The following RAPGEF6 variants were observed in gnomAD, a reference collection of about 807,000 sequenced individuals.
RAPGEF6 encodes PDZ domain containing guanine nucleotide exchange factor (GEF) 2.
A neutral mutation model predicts 171.4 loss-of-function variants in RAPGEF6; 56 were observed. That is an observed-to-expected ratio of 0.33 (90% confidence interval 0.26 to 0.41). The LOEUF is 0.41. Ranked by LOEUF, RAPGEF6 falls within the 10% of genes least tolerant of loss-of-function variation. The pLI is 1.00. For missense variants in RAPGEF6, 1,674 were observed against 1,921.4 expected, an observed-to-expected ratio of 0.87 and a Z score of 2.41; for synonymous variants, 692 against 650.1, an observed-to-expected ratio of 1.06 and a Z score of -0.98.
intron 17 of RAPGEF6, among the ~76,000 whole-genome samples, chr5:131,469,247 G>T (rs1286293004): frequency 1.3e-5 from 2 of 152,080 alleles, no homozygotes; most frequent in Non-Finnish European, 2.9e-5. Context: ...TTTCTGGAAG[G>T]ATATACAAGT....
At chr5:131,449,379 T>G (rs1449326256) in intron 21 of RAPGEF6, among the ~76,000 whole-genome samples, 1 of 152,192 alleles carries the variant, frequency 6.6e-6, no homozygotes, top group Non-Finnish European at 1.5e-5. Flanking sequence ...TAAGTGGCAT[T>G]AGTGGGTCTG....
At chr5:131,555,278 T>C (rs1322595783) in intron 5 of RAPGEF6, among the ~76,000 whole-genome samples, 1 of 152,216 alleles carries the variant, frequency 6.6e-6, no homozygotes, top group Non-Finnish European at 1.5e-5. Context: ...CTACTCATTA[T>C]CATCAAAATC....
At chr5:131,550,672 G>A (rs1760865776) in intron 5 of RAPGEF6, among the ~76,000 whole-genome samples, 1 of 152,032 alleles carries the variant, frequency 6.6e-6, no homozygotes, top group Non-Finnish European at 1.5e-5. Context: ...TATCTCAAAG[G>A]CCATCTCTTC....
At chr5:131,432,912 T>C (rs1297654701) in intron 25 of RAPGEF6, among the ~76,000 whole-genome samples, 1 of 152,188 alleles carries the variant, frequency 6.6e-6, no homozygotes. Context: ...TAGAATAAAC[T>C]TTCTCAAAGA....
intron 1 of RAPGEF6, among the ~76,000 whole-genome samples, chr5:131,605,974 G>A (rs1031993563): frequency 7.1e-6 from 1 of 140,126 alleles, no homozygotes; most frequent in Non-Finnish European, 1.5e-5. Context: ...AGCTTGCAGT[G>A]AGCTGAGATT....
At chr5:131,575,249 C>G (rs550381886) in intron 4 of RAPGEF6, among the ~76,000 whole-genome samples, 1 of 152,270 alleles carries the variant, frequency 6.6e-6, no homozygotes, top group Non-Finnish European at 1.5e-5. Flanking sequence ...AGAGACAGCC[C>G]CCATTACTTT....
At chr5:131,481,771 G>A (rs1237688887) in intron 15 of RAPGEF6, among the ~76,000 whole-genome samples, 1 of 152,204 alleles carries the variant, frequency 6.6e-6, no homozygotes. Context: ...AACAGTGGTT[G>A]CATATTCTTA....
chr5:131,489,798 G>A, intron 14 of RAPGEF6, 144 bp from the exon 15 acceptor site: 1 of 462,124 alleles, frequency 2.2e-6, no homozygotes, highest in Non-Finnish European at 3.7e-6. Flanking sequence ...GTGAGAAGCT[G>A]GACTACTGTT....
intron 9 of RAPGEF6, among the ~76,000 whole-genome samples, chr5:131,505,999 AATAG>A (rs1324229578): frequency 6.6e-6 from 1 of 152,350 alleles, no homozygotes; most frequent in East Asian, 1.9e-4. Flanking sequence ...TAAGAAAAAA[AATAG>A]ATAGCTAATG....
At chr5:131,442,119 T>C (rs149471501) in intron 23 of RAPGEF6, among the ~76,000 whole-genome samples, 2 of 152,346 alleles carry the variant, frequency 1.3e-5, no homozygotes, top group African/African-American at 2.4e-5. Flanking sequence ...AAATTTTCTA[T>C]TGATCGACAG....
chr5:131,595,965 C>A (rs1027346541), intron 3 of RAPGEF6, among the ~76,000 whole-genome samples: 1 of 152,002 alleles, frequency 6.6e-6, no homozygotes, highest in East Asian at 1.9e-4. Context: ...CCAGCCTGGC[C>A]AACATGGCGA....
At position 131,510,464 on chromosome 5, in the gene RAPGEF6, C is replaced by G; in HGVS notation, c.655G>C (p.Asp219His). 2 of 1,614,074 alleles carry G rather than the reference C, an allele frequency of 1.2e-6. No individual in the cohort carries two copies. Among genetic ancestry groups the G allele is most frequent in the South Asian group, 1.1e-5 (1 of 91,060 alleles). The change falls in exon 8 of 28, where the codon GAT (aspartate) becomes CAT (histidine). Residue 219 changes from aspartate (D) to histidine (H), a missense_variant. Coordinates refer to ENST00000509018, the MANE Select transcript of RAPGEF6 (RefSeq NM_016340.6). ...GGTCCTTCTGGAAGACGTGTCAAAT[C>G]TACATCTCCTACCTCACTCTCCGTA... ...QATESEVGDV[D>H]LTRLPEGPVD...
At chr5:131,527,832 G>A (rs951519146) in intron 6 of RAPGEF6, among the ~76,000 whole-genome samples, 5 of 151,332 alleles carry the variant, frequency 3.3e-5, no homozygotes, top group African/African-American at 4.9e-5. Context: ...TGGCTAACAC[G>A]GTGAAACCCT....
chr5:131,426,797 C>T lies in RAPGEF6; in HGVS notation c.*469G>A, dbSNP rs184659380. The T allele has an allele frequency of 2.6e-3, 470 of 180,848 alleles. 3 individuals carry two copies. The highest frequency in any genetic ancestry group is 6.3e-3 in the Admixed American group (102 of 16,140). The allele number at this position is 180,848 out of a possible 1,614,324, so 11.2% of individuals were successfully genotyped here. A position where few individuals can be genotyped will look rare whatever the true frequency, so the allele number is the denominator to read the frequency against. On this transcript the variant is annotated 3_prime_UTR_variant, in exon 28 of 28. Coordinates refer to ENST00000509018, the MANE Select transcript of RAPGEF6 (RefSeq NM_016340.6). ...ATCAGCTAACAAGAGCTCTCAAATA[C>T]AAACAAAACCACAACAATTCAAATA...
At position 131,616,519 on chromosome 5, in the gene RAPGEF6, T is replaced by A. The variant is rs946797655; in HGVS notation, c.70-11826A>T. ...TGTCCTTCTACAGGTGTTTAGAAAATCAACCAAAACTTGGAAAACTCAAAC... is the reference window on the plus strand; with the variant it reads ...TGTCCTTCTACAGGTGTTTAGAAAAACAACCAAAACTTGGAAAACTCAAAC... On this transcript the variant is annotated intron_variant, in intron 1 of 27. Transcript: ENST00000509018. Among the ~76,000 whole-genome samples, 4 of 152,302 alleles carry A rather than the reference T, an allele frequency of 2.6e-5. No individual in the cohort carries two copies. The East Asian group carries it at 7.7e-4, about 29-fold the overall frequency.
intron 12 of RAPGEF6, 42 bp from the exon 13 acceptor site, chr5:131,495,702 A>G: frequency 6.3e-7 from 1 of 1,582,798 alleles, no homozygotes; most frequent in East Asian, 2.3e-5. Flanking sequence ...TATAAGAGGC[A>G]TTCCTTCTGC....
intron 4 of RAPGEF6, among the ~76,000 whole-genome samples, chr5:131,570,487 T>A (rs1254370106): frequency 1.3e-5 from 2 of 152,162 alleles, no homozygotes; most frequent in Non-Finnish European, 1.5e-5. Flanking sequence ...CATGGCCATA[T>A]AAAGACTTTT....
chr5:131,515,107 T>C (rs189647452), intron 7 of RAPGEF6, among the ~76,000 whole-genome samples: 2 of 152,280 alleles, frequency 1.3e-5, no homozygotes, highest in East Asian at 3.9e-4. Context: ...TAGATAAACA[T>C]GAAGCTACAA....
At chr5:131,475,621 T>C (rs1447735536) in intron 16 of RAPGEF6, among the ~76,000 whole-genome samples, 2 of 152,184 alleles carry the variant, frequency 1.3e-5, no homozygotes, top group East Asian at 1.9e-4. Context: ...ATAAAAGCTA[T>C]GTGATTTTTA....
Sources: allele counts gnomAD v4.1 joint callset (sites outside exome capture counted in the v4.1 genomes callset), GRCh38; gene constraint gnomAD v4.1.1; transcripts MANE v1.5; gene names NCBI Gene and HGNC (gene_info 2026-07-23, HGNC 2026-07-21).